IQGAP2: variants seen among roughly 807,000 people sequenced by gnomAD.
IQGAP2 encodes the protein ras GTPase-activating-like protein IQGAP2.
In IQGAP2, 173 loss-of-function variants were observed where a neutral mutation model predicts 201.3. The ratio of observed to expected loss-of-function variants is 0.86; its 90% confidence interval spans 0.76 to 0.98. IQGAP2 has a LOEUF of 0.98. Among genes scored for constraint, IQGAP2 ranks in the 50% least tolerant of loss-of-function variants. The pLI is 0.00. For synonymous variants in IQGAP2, 675 were observed against 673.9 expected, an observed-to-expected ratio of 1.00 and a Z score of -0.03; for missense variants, 1,687 against 1,864.8, an observed-to-expected ratio of 0.90 and a Z score of 1.76.
At chr5:76,422,179 G>A (rs1276567607) in intron 1 of IQGAP2, among the ~76,000 whole-genome samples, 1 of 152,232 alleles carries the variant, frequency 6.6e-6, no homozygotes, top group Non-Finnish European at 1.5e-5. Flanking sequence ...GCTCTAGAAT[G>A]GTGGTGCTTA....
intron 2 of IQGAP2, among the ~76,000 whole-genome samples, chr5:76,509,359 T>A (rs1054704840): frequency 6.6e-6 from 1 of 152,018 alleles, no homozygotes; most frequent in Non-Finnish European, 1.5e-5. Flanking sequence ...CTCTCTCTTT[T>A]ATAGTACTTG....
chr5:76,410,940 T>C (rs1464825536), intron 1 of IQGAP2, among the ~76,000 whole-genome samples: 1 of 152,216 alleles, frequency 6.6e-6, no homozygotes, highest in Non-Finnish European at 1.5e-5. Flanking sequence ...TATGACTTCT[T>C]CTTGCCAAGG....
chr5:76,476,996 A>G (rs1755474636), intron 2 of IQGAP2, among the ~76,000 whole-genome samples: 1 of 152,046 alleles, frequency 6.6e-6, no homozygotes, highest in South Asian at 2.1e-4. Flanking sequence ...GTTCTAATTC[A>G]TTTTCTAAGA....
At chr5:76,674,142 T>C in intron 26 of IQGAP2, 106 bp downstream of exon 26, 1 of 701,510 alleles carries the variant, frequency 1.4e-6, no homozygotes, top group Non-Finnish European at 2.5e-6. Flanking sequence ...TTATTTATAA[T>C]AAGCTGCAGG....
chr5:76,572,039 T>C (rs953681509), intron 4 of IQGAP2, among the ~76,000 whole-genome samples: 2 of 152,168 alleles, frequency 1.3e-5, no homozygotes, highest in African/African-American at 4.8e-5. Flanking sequence ...CCCTGTTCCC[T>C]GGCAACCACT....
intron 3 of IQGAP2, among the ~76,000 whole-genome samples, chr5:76,565,520 C>T (rs1000383241): frequency 1.3e-5 from 2 of 152,082 alleles, no homozygotes; most frequent in Non-Finnish European, 2.9e-5. Context: ...CCACCTCCGC[C>T]CTCCACACCA....
rs147982327 is a variant in IQGAP2, at chr5:76,512,131, T to C, written c.147-50265T>C. ...TTGCAGTAACAGGGAAACTGAGAGATAGGGGTGTGTCAGAGTTTGAAAGAC... is the reference window on the plus strand; with the variant it reads ...TTGCAGTAACAGGGAAACTGAGAGACAGGGGTGTGTCAGAGTTTGAAAGAC... On this transcript the variant is annotated intron_variant, in intron 2 of 35. Coordinates refer to ENST00000274364, the MANE Select transcript of IQGAP2 (RefSeq NM_006633.5). Among the ~76,000 whole-genome samples, 3 of 152,240 alleles carry C rather than the reference T, an allele frequency of 2.0e-5. No homozygotes were observed. In the East Asian group the frequency reaches 5.8e-4, roughly 29 times the overall value.
At chr5:76,671,642 C>G in intron 23 of IQGAP2, 117 bp from the exon 24 acceptor site, 1 of 689,246 alleles carries the variant, frequency 1.5e-6, no homozygotes, top group Non-Finnish European at 2.4e-6. Flanking sequence ...GAACCAAGAT[C>G]ACACCACTGC....
In IQGAP2 at chr5:76,707,199, G is replaced by A; in HGVS notation, c.4615-1G>A. The A allele has an allele frequency of 7.8e-7, 1 of 1,275,120 alleles. No homozygotes were observed. The highest frequency in any genetic ancestry group is 1.1e-6 in the Non-Finnish European group (1 of 878,756). The allele number at this position is 1,275,120 out of a possible 1,614,324, so 79.0% of individuals were successfully genotyped here. ...TTTAATGATGCTTTTTACAATTTCA[G>A]GATTTACTTCAGATGCAATATGAAG... On this transcript the variant is annotated splice_acceptor_variant, in intron 35 of 35. Coordinates refer to ENST00000274364, the MANE Select transcript of IQGAP2 (RefSeq NM_006633.5). LOFTEE classifies it high-confidence loss of function.
chr5:76,426,929 T>TGTGTGTGTGTGTGTGTGTGA (rs1241837652), intron 1 of IQGAP2, among the ~76,000 whole-genome samples: 1 of 151,856 alleles, frequency 6.6e-6, no homozygotes, highest in Non-Finnish European at 1.5e-5. Flanking sequence ...TGTGTGTGTG[T>TGTGTGTGTGTGTGTGTGTGA]GTGTGTGAGT....
intron 32 of IQGAP2, among the ~76,000 whole-genome samples, chr5:76,696,357 T>A (rs1417420985): frequency 6.6e-6 from 1 of 152,214 alleles, no homozygotes; most frequent in Non-Finnish European, 1.5e-5. Context: ...TAAATGCAGT[T>A]CAGACTTGAA....
chr5:76,428,974 G>C (rs927267686), intron 1 of IQGAP2, among the ~76,000 whole-genome samples: 1 of 151,530 alleles, frequency 6.6e-6, no homozygotes, highest in African/African-American at 2.4e-5. Context: ...AGCTACTCGG[G>C]AGGCTGAGGC....
intron 2 of IQGAP2, among the ~76,000 whole-genome samples, chr5:76,506,111 G>T (rs1164302783): frequency 6.6e-6 from 1 of 152,208 alleles, no homozygotes; most frequent in Non-Finnish European, 1.5e-5. Flanking sequence ...GTGAAGTCAG[G>T]AAGTATCCAT....
chr5:76,492,886 C>A (rs753815808), intron 2 of IQGAP2, among the ~76,000 whole-genome samples: 9 of 152,110 alleles, frequency 5.9e-5, no homozygotes, highest in Admixed American at 3.3e-4. Flanking sequence ...TTAGTTGTCA[C>A]GTTTCTAGTG....
chr5:76,657,802 A>G (rs564659310), intron 20 of IQGAP2, among the ~76,000 whole-genome samples: 1 of 152,332 alleles, frequency 6.6e-6, no homozygotes, highest in East Asian at 1.9e-4. Context: ...GTCCCTCTCA[A>G]TAACAGGGGC....
At chr5:76,678,431 A>G (rs1236454541) in intron 28 of IQGAP2, among the ~76,000 whole-genome samples, 1 of 152,204 alleles carries the variant, frequency 6.6e-6, no homozygotes, top group Non-Finnish European at 1.5e-5. Flanking sequence ...AAATTAAAAA[A>G]AAAAAAGCTA....
At chr5:76,641,366 G>A (rs1751568772) in intron 17 of IQGAP2, among the ~76,000 whole-genome samples, 1 of 152,190 alleles carries the variant, frequency 6.6e-6, no homozygotes, top group Non-Finnish European at 1.5e-5. Flanking sequence ...AACCTAGTTG[G>A]ACCCAAAGGG....
chr5:76,550,739 C>T (rs1220219020), intron 2 of IQGAP2, among the ~76,000 whole-genome samples: 1 of 152,190 alleles, frequency 6.6e-6, no homozygotes, highest in African/African-American at 2.4e-5. Context: ...ATGGAGTCTC[C>T]CATGTCTACT....
intron 2 of IQGAP2, among the ~76,000 whole-genome samples, chr5:76,498,415 GA>G (rs1259442743): frequency 6.6e-6 from 1 of 152,192 alleles, no homozygotes; most frequent in Admixed American, 6.5e-5. Flanking sequence ...TGACTTGCCT[GA>G]GGTCATGTCA....
Sources: allele counts gnomAD v4.1 joint callset (sites outside exome capture counted in the v4.1 genomes callset), GRCh38; gene constraint gnomAD v4.1.1; transcripts MANE v1.5; gene names NCBI Gene and HGNC (gene_info 2026-07-23, HGNC 2026-07-21).